DGLUCY: variants seen among roughly 807,000 people sequenced by gnomAD.
The protein encoded by DGLUCY is D-glutamate cyclase, also known as D-glutamate cyclase, mitochondrial.
DGLUCY carries 58 observed loss-of-function variants against 58.5 expected under a neutral mutation model. That is an observed-to-expected ratio of 0.99 (90% CI 0.80 to 1.23). The LOEUF is 1.23. Ranked by LOEUF, DGLUCY falls within the 50% of genes most tolerant of loss-of-function variation. DGLUCY has a pLI of 0.00. For synonymous variants in DGLUCY, 325 were observed against 314.1 expected, an observed-to-expected ratio of 1.03 and a Z score of -0.37; for missense variants, 779 against 784.7, an observed-to-expected ratio of 0.99 and a Z score of 0.09.
chr14:91,169,402 T>A (rs1269171264), intron 4 of DGLUCY, among the ~76,000 whole-genome samples: 3 of 151,420 alleles, frequency 2.0e-5, no homozygotes, highest in Admixed American at 2.0e-4. Flanking sequence ...ACTTTTCTTC[T>A]TCTTCTTTTT....
At position 91,170,218 on chromosome 14, in the gene DGLUCY, C is replaced by G. The variant is rs759532531; in HGVS notation, c.456+17C>G. 6.2e-7 allele frequency: 1 copy of G among 1,610,316 alleles called. No homozygotes were observed. The highest frequency in any genetic ancestry group is 8.5e-7 in the Non-Finnish European group (1 of 1,177,962). ...GCATACAAGGTAGGGACACAGCCCA[C>G]AGCCCACAAGGGCAGAATGGCCTGA... On this transcript the variant is annotated intron_variant, in intron 5 of 13. Transcript: ENST00000256324.
chr14:91,101,715 G>A (rs545772673), intron 1 of DGLUCY, among the ~76,000 whole-genome samples: 14 of 152,296 alleles, frequency 9.2e-5, no homozygotes, highest in African/African-American at 3.4e-4. Flanking sequence ...TATTGTACAT[G>A]TCTTTCTGGG....
chr14:91,125,160 C>T (rs2045598180), intron 1 of DGLUCY, among the ~76,000 whole-genome samples: 1 of 152,166 alleles, frequency 6.6e-6, no homozygotes, highest in South Asian at 2.1e-4. Context: ...GACCCTGTCT[C>T]CTTTGTTCTA....
At chr14:91,143,331 G>T (rs770320581) in intron 1 of DGLUCY, among the ~76,000 whole-genome samples, 1 of 152,004 alleles carries the variant, frequency 6.6e-6, no homozygotes, top group Non-Finnish European at 1.5e-5. Context: ...TCCTGACCTC[G>T]TGATCTGCCC....
rs1884248754 is a variant in DGLUCY at position 91,204,770 on chromosome 14, A to G, written c.1509A>G (p.Ile503Met). Reference protein sequence around the residue: ...GKVKEAVRRHIRHGDVIACDV... With the variant: ...GKVKEAVRRHMRHGDVIACDV... ...TCAAGGAGGCTGTGAGGAGGCACAT[A>G]CGGCACGGGGATGTCATCGCCTGCG... The change falls in exon 12 of 14, where the codon ATA becomes ATG. Residue 503 changes from isoleucine to methionine, a missense_variant. By Grantham distance (10) the Ile-to-Met change is conservative. Coordinates refer to ENST00000256324, the MANE Select transcript of DGLUCY (RefSeq NM_001102368.3). 3 of 1,613,962 alleles carry G rather than the reference A, an allele frequency of 1.9e-6. No homozygotes were observed. The Admixed American group carries it at 5.0e-5, about 27-fold the overall frequency.
At chr14:91,132,454 T>C (rs1280393967) in intron 1 of DGLUCY, among the ~76,000 whole-genome samples, 3 of 151,438 alleles carry the variant, frequency 2.0e-5, no homozygotes, top group African/African-American at 4.9e-5. Context: ...TAGTCCAAGA[T>C]ACTTGGGAGA....
At chr14:91,177,764 T>C (rs189885416) in intron 7 of DGLUCY, among the ~76,000 whole-genome samples, 1 of 152,354 alleles carries the variant, frequency 6.6e-6, no homozygotes, top group African/African-American at 2.4e-5. Context: ...ATCCCTAATG[T>C]GGTGATGAGG....
intron 1 of DGLUCY, among the ~76,000 whole-genome samples, chr14:91,079,196 G>A (rs541601394): frequency 4.6e-5 from 7 of 151,966 alleles, no homozygotes; most frequent in African/African-American, 1.7e-4. Flanking sequence ...AAGCCACCAC[G>A]CCCAGCCTTA....
intron 1 of DGLUCY, among the ~76,000 whole-genome samples, chr14:91,101,020 G>A (rs2044477186): frequency 6.6e-6 from 1 of 151,858 alleles, no homozygotes; most frequent in Non-Finnish European, 1.5e-5. Flanking sequence ...GCAGTGAGCC[G>A]AGATCATGCT....
chr14:91,205,512 T>C (rs1884408577), intron 12 of DGLUCY, among the ~76,000 whole-genome samples: 1 of 152,148 alleles, frequency 6.6e-6, no homozygotes, highest in African/African-American at 2.4e-5. Flanking sequence ...TGGAACCTCG[T>C]GGGAACCAGT....
intron 8 of DGLUCY, among the ~76,000 whole-genome samples, chr14:91,184,618 AGGAAGGAAGGAAGGAAGGGAGGG>A: frequency 1.1e-5 from 1 of 88,784 alleles, no homozygotes; most frequent in Non-Finnish European, 2.1e-5. Flanking sequence ...TGATTCTGGA[AGGAAGGAAGGAAGGAAGGGAGGG>A]AGGGAGGGAG....
chr14:91,205,015 A>G, intron 12 of DGLUCY, 190 bp downstream of exon 12: 1 of 751,452 alleles, frequency 1.3e-6, no homozygotes, highest in Non-Finnish European at 2.1e-6. Flanking sequence ...TGTGCCAGGC[A>G]GTGTTCTGAG....
At chr14:91,136,495 C>T (rs1485927414) in intron 1 of DGLUCY, among the ~76,000 whole-genome samples, 2 of 151,770 alleles carry the variant, frequency 1.3e-5, no homozygotes, top group Non-Finnish European at 2.9e-5. Context: ...CCAGCCTGGC[C>T]AACATGGTGA....
At chr14:91,101,709 G>A (rs1372333322) in intron 1 of DGLUCY, among the ~76,000 whole-genome samples, 2 of 152,166 alleles carry the variant, frequency 1.3e-5, no homozygotes, top group Non-Finnish European at 2.9e-5. Context: ...TCAATCTATT[G>A]TACATGTCTT....
chr14:91,175,584 T>C (rs1257618309), intron 6 of DGLUCY, among the ~76,000 whole-genome samples: 1 of 152,052 alleles, frequency 6.6e-6, no homozygotes, highest in Non-Finnish European at 1.5e-5. Flanking sequence ...GTTAGGTGCA[T>C]GAGATGTGAC....
At chr14:91,204,856 C>A in intron 12 of DGLUCY, 31 bp downstream of exon 12, 1 of 1,613,252 alleles carries the variant, frequency 6.2e-7, no homozygotes, top group Non-Finnish European at 8.5e-7. Context: ...CCAGTCCGGC[C>A]GGCTACCCAG....
chr14:91,224,210 A>C (rs1042001707), intron 13 of DGLUCY, among the ~76,000 whole-genome samples: 4 of 152,140 alleles, frequency 2.6e-5, no homozygotes, highest in African/African-American at 9.7e-5. Context: ...CTGCAGGAGG[A>C]GTGAATCTTC....
At position 91,173,653 on chromosome 14, in the gene DGLUCY, GT is replaced by G. The variant is rs1428104144; in HGVS notation, c.607+219del. 4 of 582,206 alleles carry G rather than the reference GT, an allele frequency of 6.9e-6. No individual in the cohort carries two copies. The South Asian group carries it at 1.1e-4, about 16-fold the overall frequency. The allele number at this position is 582,206 out of a possible 1,614,324, so 36.1% of individuals were successfully genotyped here. A position where few individuals can be genotyped will look rare whatever the true frequency, so the allele number is the denominator to read the frequency against. ...TCCTAAGCTCCCATGGCTTGTCTTTGTTTTTACCAGGGGTCTCCAGGGGCAA... is the reference window on the plus strand; with the variant it reads ...TCCTAAGCTCCCATGGCTTGTCTTTGTTTTACCAGGGGTCTCCAGGGGCAA... On this transcript the variant is annotated intron_variant, in intron 6 of 13. Coordinates refer to ENST00000256324, the MANE Select transcript of DGLUCY (RefSeq NM_001102368.3).
chr14:91,083,665 A>G (rs1376138550), intron 1 of DGLUCY, among the ~76,000 whole-genome samples: 1 of 152,082 alleles, frequency 6.6e-6, no homozygotes, highest in African/African-American at 2.4e-5. Context: ...GGATGGAGGC[A>G]TTTGTTGCTT....
Sources: gnomAD v4.1 joint callset for allele counts (sites outside exome capture counted in the v4.1 genomes callset) on GRCh38, gnomAD v4.1.1 for gene constraint, MANE v1.5 for transcripts, NCBI Gene and HGNC (gene_info 2026-07-23, HGNC 2026-07-21) for gene names.